Variants in PTPRD observed in about 807,000 individuals in gnomAD.
The protein encoded by PTPRD is protein tyrosine phosphatase receptor type D.
A neutral mutation model predicts 214.5 loss-of-function variants in PTPRD; 34 were observed. That is an observed-to-expected ratio of 0.16 (90% CI 0.12 to 0.21). The LOEUF (loss-of-function observed/expected upper bound fraction) is 0.21, where lower values mean the gene tolerates loss of function less well. Ranked by LOEUF, PTPRD falls within the 10% of genes least tolerant of loss-of-function variation. The pLI, the probability that PTPRD is intolerant of heterozygous loss-of-function variation, is 1.00. For synonymous variants in PTPRD, 1,128 were observed against 845.7 expected, an observed-to-expected ratio of 1.33 and a Z score of -5.79; for missense variants, 2,545 against 2,398.7, an observed-to-expected ratio of 1.06 and a Z score of -1.27.
intron 8 of PTPRD, among the ~76,000 whole-genome samples, chr9:9,417,922 T>C (rs2077460223): frequency 6.6e-6 from 1 of 152,082 alleles, no homozygotes; most frequent in Admixed American, 6.6e-5. Flanking sequence ...CATTTCTCTT[T>C]TCTGTTGATA....
chr9:9,978,301 A>C (rs1261310617), intron 4 of PTPRD, among the ~76,000 whole-genome samples: 1 of 152,136 alleles, frequency 6.6e-6, no homozygotes, highest in Admixed American at 6.5e-5. Flanking sequence ...CAATCTAGTA[A>C]AAAAGGTGGA....
chr9:8,527,510 A>C (rs1214326605), intron 15 of PTPRD, among the ~76,000 whole-genome samples, 157 bp from the exon 16 acceptor site: 1 of 152,018 alleles, frequency 6.6e-6, no homozygotes, highest in Non-Finnish European at 1.5e-5. Flanking sequence ...CAGAATGCTA[A>C]TCTACACAAT....
At chr9:9,061,765 T>G (rs895246894) in intron 10 of PTPRD, among the ~76,000 whole-genome samples, 1 of 152,212 alleles carries the variant, frequency 6.6e-6, no homozygotes, top group Non-Finnish European at 1.5e-5. Flanking sequence ...TGGGACCCAG[T>G]GGCACTAGCA....
At chr9:9,927,931 T>C (rs1271185754) in intron 5 of PTPRD, among the ~76,000 whole-genome samples, 2 of 152,254 alleles carry the variant, frequency 1.3e-5, no homozygotes, top group South Asian at 2.1e-4. Context: ...ACTCAGATTT[T>C]ACTACATATT....
intron 2 of PTPRD, among the ~76,000 whole-genome samples, chr9:10,565,967 C>G (rs904871203): frequency 9.2e-5 from 14 of 151,914 alleles, no homozygotes; most frequent in Admixed American, 7.9e-4. Context: ...CATAATTTTG[C>G]TTCCTATTTA....
intron 5 of PTPRD, among the ~76,000 whole-genome samples, chr9:9,907,164 G>GGTTT (rs1555313395): frequency 2.0e-5 from 3 of 151,372 alleles, no homozygotes; most frequent in African/African-American, 4.9e-5. Context: ...CCAAACTCCA[G>GGTTT]GTTTTTGTTT....
chr9:8,508,693 C>A (rs2097591763), intron 21 of PTPRD, among the ~76,000 whole-genome samples: 2 of 151,956 alleles, frequency 1.3e-5, no homozygotes. Flanking sequence ...ACATATAATA[C>A]AGTATAATTT....
chr9:10,540,099 T>C (rs1255204659), intron 2 of PTPRD, among the ~76,000 whole-genome samples: 1 of 152,126 alleles, frequency 6.6e-6, no homozygotes, highest in Non-Finnish European at 1.5e-5. Context: ...GGCATGGTCT[T>C]GGCTCACTCA....
At chr9:9,324,579 T>G (rs1192196651) in intron 9 of PTPRD, among the ~76,000 whole-genome samples, 1 of 152,222 alleles carries the variant, frequency 6.6e-6, no homozygotes, top group Non-Finnish European at 1.5e-5. Context: ...TATTTGTAGA[T>G]TCTGGATATT....
At chr9:9,265,299 T>C (rs73390814) in intron 9 of PTPRD, among the ~76,000 whole-genome samples, 3 of 151,776 alleles carry the variant, frequency 2.0e-5, no homozygotes, top group African/African-American at 7.2e-5. Flanking sequence ...TCTCATTCTG[T>C]CACCTAGGCC....
At chr9:9,249,965 AT>A (rs963124183) in intron 9 of PTPRD, among the ~76,000 whole-genome samples, 8 of 152,056 alleles carry the variant, frequency 5.3e-5, no homozygotes, top group Non-Finnish European at 7.4e-5. Context: ...GAAAAGTGTT[AT>A]TTTAAAAAAT....
intron 10 of PTPRD, among the ~76,000 whole-genome samples, chr9:9,171,332 A>C (rs181227714): frequency 6.7e-6 from 1 of 149,970 alleles, no homozygotes; most frequent in East Asian, 1.9e-4. Context: ...TGCTAATTAT[A>C]AGATTATATT....
At position 10,050,834 on chromosome 9, in the gene PTPRD, T is replaced by C. The variant is rs16930919; in HGVS notation, c.-544-17044A>G. 3.4e-3 allele frequency among the ~76,000 whole-genome samples: 519 copies of C among 152,170 alleles called. 21 individuals carry two copies. In the East Asian group the frequency reaches 0.091, roughly 27 times the overall value. The stretch of plus-strand genomic sequence containing the variant: ...ATTTTGGGTGAGTTGTGGGTCTCCA[T>C]ACATACTGGACTCCAAAAATTAATT... On this transcript the variant is annotated intron_variant, in intron 3 of 45. Transcript: ENST00000381196.
intron 3 of PTPRD, among the ~76,000 whole-genome samples, chr9:10,102,250 G>C (rs1025293799): frequency 4.6e-5 from 7 of 151,064 alleles, no homozygotes; most frequent in Non-Finnish European, 1.0e-4. Context: ...ATTGGATCAA[G>C]ATATTTCATC....
At chr9:9,598,691 T>C (rs948387336) in intron 7 of PTPRD, among the ~76,000 whole-genome samples, 1 of 152,110 alleles carries the variant, frequency 6.6e-6, no homozygotes, top group African/African-American at 2.4e-5. Flanking sequence ...TTTCACAGTA[T>C]TAAATGTTTA....
chr9:10,194,226 T>C (rs572972646), intron 3 of PTPRD, among the ~76,000 whole-genome samples: 1 of 151,704 alleles, frequency 6.6e-6, no homozygotes, highest in Non-Finnish European at 1.5e-5. Flanking sequence ...TATCAGAATT[T>C]ACCCTAGTTA....
chr9:10,557,912 T>C (rs1444746781), intron 2 of PTPRD, among the ~76,000 whole-genome samples: 2 of 152,302 alleles, frequency 1.3e-5, no homozygotes, highest in East Asian at 1.9e-4. Context: ...ACTGTTTTAA[T>C]GAGCCTGTGA....
At chr9:9,953,339 G>T (rs926094465) in intron 4 of PTPRD, among the ~76,000 whole-genome samples, 1 of 152,044 alleles carries the variant, frequency 6.6e-6, no homozygotes, top group African/African-American at 2.4e-5. Flanking sequence ...GGGATAAAAA[G>T]ACTACATACT....
chr9:10,474,329 G>C (rs2099049479), intron 2 of PTPRD, among the ~76,000 whole-genome samples: 1 of 151,600 alleles, frequency 6.6e-6, no homozygotes, highest in Non-Finnish European at 1.5e-5. Context: ...AAAAGCAGGG[G>C]TTGCAATCCT....
Sources: allele counts gnomAD v4.1 joint callset (sites outside exome capture counted in the v4.1 genomes callset), GRCh38; gene constraint gnomAD v4.1.1; transcripts MANE v1.5; gene names NCBI Gene and HGNC (gene_info 2026-07-23, HGNC 2026-07-21).